MMP26: variants seen among roughly 807,000 people sequenced by gnomAD.
MMP26 encodes matrix metalloproteinase-26.
In MMP26, 33 loss-of-function variants were observed where a neutral mutation model predicts 31.0. The observed-to-expected ratio is 1.06, with a 90% CI of 0.81 to 1.42. The LOEUF (loss-of-function observed/expected upper bound fraction) is 1.42. MMP26 is among the 40% of genes most tolerant of loss of function. The pLI is 0.00. For synonymous variants in MMP26, 122 were observed against 114.9 expected (o/e 1.06, Z -0.40); for missense variants, 347 against 316.1 (o/e 1.10, Z -0.74).
intron 2 of MMP26, chr11:4,849,063 C>T (rs1189256442): frequency 1.9e-6 from 3 of 1,613,988 alleles, no homozygotes; most frequent in South Asian, 2.2e-5. Context: ...GGTGCCATTT[C>T]CCAGTGCAGA....
chr11:4,750,131 A>T (rs993469306), intron 1 of MMP26, among the ~76,000 whole-genome samples: 1 of 152,172 alleles, frequency 6.6e-6, no homozygotes, highest in Non-Finnish European at 1.5e-5. Context: ...GGACATTAAC[A>T]GACAGTTTTC....
chr11:4,969,331 G>A (rs57981066), intron 2 of MMP26, among the ~76,000 whole-genome samples: 438 of 152,020 alleles, frequency 2.9e-3, no homozygotes, highest in African/African-American at 7.2e-3. Flanking sequence ...GCTTAGTAAT[G>A]AATATTGTAC....
rs1171954037 is a variant in MMP26, at chr11:4,727,002, G to A, written c.-217+21957G>A. On this transcript the variant is annotated intron_variant, in intron 1 of 7. Transcript: ENST00000380390. Reference sequence around the variant, plus strand: ...TTGCACTCCATCCTGGGTGAAGACCGGGACCCTGTCTCTAAAACAAAACAA... The same window carrying A: ...TTGCACTCCATCCTGGGTGAAGACCAGGACCCTGTCTCTAAAACAAAACAA... Among the ~76,000 whole-genome samples the A allele has an allele frequency of 2.6e-5, 4 of 151,952 alleles. No homozygotes were observed. In the South Asian group the frequency reaches 6.2e-4, roughly 24 times the overall value.
intron 2 of MMP26, among the ~76,000 whole-genome samples, chr11:4,892,675 G>T (rs1564801624): frequency 6.6e-6 from 1 of 152,128 alleles, no homozygotes; most frequent in African/African-American, 2.4e-5. Flanking sequence ...AGTGACTGAA[G>T]CTTCTTTCCT....
chr11:4,819,075 A>G (rs1446607980), intron 2 of MMP26, among the ~76,000 whole-genome samples: 1 of 152,198 alleles, frequency 6.6e-6, no homozygotes, highest in African/African-American at 2.4e-5. Context: ...TATGAAAGTT[A>G]TAGCCTTTAT....
chr11:4,860,212 A>G, intron 2 of MMP26: 3 of 471,198 alleles, frequency 6.4e-6, no homozygotes, highest in Non-Finnish European at 1.3e-5. Flanking sequence ...GGCCATGGAC[A>G]CTAGGACTCC....
intron 6 of MMP26, 39 bp from the exon 7 acceptor site, chr11:4,991,925 A>G (rs990132588): frequency 2.0e-6 from 3 of 1,503,980 alleles, no homozygotes; most frequent in East Asian, 2.4e-5. Flanking sequence ...TTCCCTATGC[A>G]TAGTTAATTT....
intron 2 of MMP26, among the ~76,000 whole-genome samples, chr11:4,937,028 A>T (rs1438141984): frequency 6.6e-6 from 1 of 152,206 alleles, no homozygotes; most frequent in South Asian, 2.1e-4. Context: ...AAAGAAAAGC[A>T]GGAGAATACT....
chr11:4,814,624 G>A (rs73403046), intron 2 of MMP26, among the ~76,000 whole-genome samples: 14,029 of 152,122 alleles, frequency 0.092, 1,191 homozygotes, highest in African/African-American at 0.23. Flanking sequence ...TACAAACCAG[G>A]TTGTGTTCCA....
intron 2 of MMP26, chr11:4,804,348 A>G (rs370886643): frequency 6.2e-7 from 1 of 1,614,172 alleles, no homozygotes; most frequent in Non-Finnish European, 8.5e-7. Context: ...AGGACACAGG[A>G]TGAGAAGAGC....
intron 2 of MMP26, among the ~76,000 whole-genome samples, chr11:4,906,051 G>A (rs1237956378): frequency 6.6e-6 from 1 of 152,002 alleles, no homozygotes; most frequent in Non-Finnish European, 1.5e-5. Context: ...CAATCAAGAT[G>A]GATAAGATTA....
At chr11:4,717,859 A>T (rs1376030355) in intron 1 of MMP26, among the ~76,000 whole-genome samples, 1 of 152,204 alleles carries the variant, frequency 6.6e-6, no homozygotes, top group Non-Finnish European at 1.5e-5. Context: ...AATTTATAAC[A>T]TGCAGCTGTA....
rs142065734 is a variant in MMP26 at position 4,892,801 on chromosome 11, G to A, written c.-144-95267G>A. Among the ~76,000 whole-genome samples, 56 of 152,230 alleles carry A rather than the reference G, an allele frequency of 3.7e-4. 1 individual carries two copies. The East Asian group carries it at 0.01, about 27-fold the overall frequency. ...ACTTCCCTATAGCCCAGAGAGCAGA[G>A]TACATTGATGTATTTGCCTTCTAGT... is the stretch of plus-strand genomic sequence containing the variant. On this transcript the variant is annotated intron_variant, in intron 2 of 7. Transcript: ENST00000380390.
intron 2 of MMP26, among the ~76,000 whole-genome samples, chr11:4,963,642 A>G (rs1477817384): frequency 2.6e-5 from 4 of 152,206 alleles, no homozygotes; most frequent in African/African-American, 7.2e-5. Flanking sequence ...CAGAGGTTCA[A>G]TAAGAACCTG....
At chr11:4,878,298 C>G (rs776210294) in intron 2 of MMP26, among the ~76,000 whole-genome samples, 18 of 152,010 alleles carry the variant, frequency 1.2e-4, no homozygotes, top group Non-Finnish European at 2.5e-4. Context: ...ACTGCTTAGT[C>G]CATTAGAATC....
At chr11:4,923,549 T>C (rs752679930) in intron 2 of MMP26, 6 of 1,614,092 alleles carry the variant, frequency 3.7e-6, no homozygotes, top group Admixed American at 1.7e-5. Context: ...ACCAAAGCGA[T>C]GCACAAGAGA....
chr11:4,929,800 C>G (rs893995068), intron 2 of MMP26, among the ~76,000 whole-genome samples: 2 of 151,714 alleles, frequency 1.3e-5, no homozygotes, highest in Non-Finnish European at 2.9e-5. Flanking sequence ...AGTTTTTGAG[C>G]ATTTTCTCTG....
intron 2 of MMP26, among the ~76,000 whole-genome samples, chr11:4,934,167 T>C (rs1410968505): frequency 7.2e-6 from 1 of 138,804 alleles, no homozygotes; most frequent in African/African-American, 2.7e-5. Flanking sequence ...CCACAATGGT[T>C]GAACTAGTTT....
At chr11:4,990,821 A>G in intron 5 of MMP26, 75 bp downstream of exon 5, 1 of 1,442,572 alleles carries the variant, frequency 6.9e-7, no homozygotes, top group Non-Finnish European at 9.3e-7. Flanking sequence ...CCTTAAACAA[A>G]AACCTAGCCC....
Sources: gnomAD v4.1 joint callset for allele counts (sites outside exome capture counted in the v4.1 genomes callset) on GRCh38, gnomAD v4.1.1 for gene constraint, MANE v1.5 for transcripts, NCBI Gene and HGNC (gene_info 2026-07-23, HGNC 2026-07-21) for gene names.